Variants in UTP20 observed in about 807,000 individuals in gnomAD.
The protein encoded by UTP20 is small subunit processome component 20 homolog.
Under a neutral mutation model 329.5 loss-of-function variants are expected in UTP20, and 164 were observed. The observed-to-expected ratio is 0.50, with a 90% CI of 0.44 to 0.57. The LOEUF (loss-of-function observed/expected upper bound fraction) is 0.57. Among genes scored for constraint, UTP20 ranks in the 20% least tolerant of loss-of-function variants. The probability of loss-of-function intolerance (pLI) is 0.00; values close to 1 mark genes in which losing one functional copy is unlikely to be tolerated. For missense variants in UTP20, 3,055 were observed against 3,284.2 expected, an observed-to-expected ratio of 0.93 and a Z score of 1.71; for synonymous variants, 1,151 against 1,159.3, an observed-to-expected ratio of 0.99 and a Z score of 0.14.
At chr12:101,364,223 C>A (rs1870023812) in intron 45 of UTP20, among the ~76,000 whole-genome samples, 1 of 152,146 alleles carries the variant, frequency 6.6e-6, no homozygotes, top group African/African-American at 2.4e-5. Flanking sequence ...GCCTGGGTAA[C>A]ATAGCAAGAC....
At chr12:101,297,584 A>T (rs922814887) in intron 12 of UTP20, among the ~76,000 whole-genome samples, 1 of 152,218 alleles carries the variant, frequency 6.6e-6, no homozygotes, top group African/African-American at 2.4e-5. Flanking sequence ...ATATGCCAAC[A>T]GAATCTTGTT....
At chr12:101,356,779 G>A in intron 42 of UTP20, 86 bp downstream of exon 42, 1 of 1,520,056 alleles carries the variant, frequency 6.6e-7, no homozygotes, top group Non-Finnish European at 8.8e-7. Context: ...TTGTCAGGAA[G>A]AGGAAAAAGT....
Position 101,340,508 on chromosome 12 carries a change from T to G in UTP20, c.4014-15T>G. 1.3e-6 allele frequency: 2 copies of G among 1,555,412 alleles called. No individual in the cohort carries two copies. The highest frequency in any genetic ancestry group is 1.8e-6 in the Non-Finnish European group (2 of 1,136,732). On this transcript the variant is annotated splice_polypyrimidine_tract_variant and intron_variant, in intron 31 of 61. Transcript: ENST00000261637. ...TTGTATATGTTCCTTATATATCCGTTTTTTCCTTCTTTAGGATCAGCAAGT... is the reference window on the plus strand; with the variant it reads ...TTGTATATGTTCCTTATATATCCGTGTTTTCCTTCTTTAGGATCAGCAAGT...
chr12:101,281,013 T>TTA, intron 1 of UTP20, 103 bp from the exon 2 acceptor site: 1 of 954,866 alleles, frequency 1.0e-6, no homozygotes, highest in South Asian at 1.8e-5. Context: ...TTTTTCCACT[T>TTA]ATCCTTTGTG....
In UTP20 at chr12:101,386,195, T is replaced by A. The variant is rs1229206868; in HGVS notation, c.*72T>A. 20 of 1,445,000 alleles carry A rather than the reference T, an allele frequency of 1.4e-5. No homozygotes were observed. The highest frequency in any genetic ancestry group is 1.9e-5 in the Non-Finnish European group (20 of 1,066,332). The allele number at this position is 1,445,000 out of a possible 1,614,324, so 89.5% of individuals were successfully genotyped here. A position where few individuals can be genotyped will look rare whatever the true frequency, so the allele number is the denominator to read the frequency against. ...TAGTCTGAAATTACAGTAGGTTGTCTGGGGTAGGGGGGAGGCGTTTTTTTT... is the reference window on the plus strand; with the variant it reads ...TAGTCTGAAATTACAGTAGGTTGTCAGGGGTAGGGGGGAGGCGTTTTTTTT... On this transcript the variant is annotated 3_prime_UTR_variant, in exon 62 of 62. Transcript: ENST00000261637.
In UTP20 at chr12:101,325,303, A is replaced by G. The variant is rs142692198; in HGVS notation, c.3042-1778A>G. ...AGACATGCCAGCTGACATCTCATTC[A>G]TTTGGTCTCATCTCAAATGTGTCCT... On this transcript the variant is annotated intron_variant, in intron 25 of 61. Transcript: ENST00000261637. Among the ~76,000 whole-genome samples the G allele has an allele frequency of 3.9e-3, 590 of 152,286 alleles. 3 individuals are homozygous for G. Among genetic ancestry groups the G allele is most frequent in the African/African-American group, 0.012 (510 of 41,550 alleles).
In UTP20 at chr12:101,344,643, A is replaced by G; in HGVS notation, c.4498A>G (p.Ile1500Val). Residue 1500 changes from isoleucine (I) to valine (V), a missense_variant, in exon 36 of 62, where the codon ATC becomes GTC. Ile to Val is a conservative substitution (Grantham distance 29, BLOSUM62 3). Around this residue, in one of 3 missense-constraint regions of UTP20, gnomAD observed 2,445 missense variants for 2,575.5 expected, o/e 0.95. Coordinates refer to ENST00000261637, the MANE Select transcript of UTP20 (RefSeq NM_014503.3). ...TAATGCCAGCATGTGCCTGATGAGTATCATCAAAAAGCTAGCTGCCTTGAA... is the reference window on the plus strand; with the variant it reads ...TAATGCCAGCATGTGCCTGATGAGTGTCATCAAAAAGCTAGCTGCCTTGAA... ...SDNASMCLMS[I>V]IKKLAALNVT... is the part of the protein sequence containing the mutation. The G allele has an allele frequency of 1.5e-6, 2 of 1,367,262 alleles. No individual in the cohort carries two copies. Among genetic ancestry groups the G allele is most frequent in the Non-Finnish European group, 1.0e-6 (1 of 954,200 alleles). 84.7% of individuals were successfully genotyped at this position (1,367,262 alleles called of 1,614,324 possible).
chr12:101,329,243 G>A lies in UTP20; in HGVS notation c.3211G>A (p.Glu1071Lys). The change falls in exon 27 of 62, where the codon GAG becomes AAG. Residue 1071 changes from glutamate (E) to lysine (K), a missense_variant and splice_region_variant. Physicochemically the swap from Glu to Lys is moderately conservative, Grantham distance 56. Around this residue, in one of 3 missense-constraint regions of UTP20, gnomAD observed 2,445 missense variants for 2,575.5 expected, o/e 0.95. Coordinates refer to ENST00000261637, the MANE Select transcript of UTP20 (RefSeq NM_014503.3). The stretch of plus-strand genomic sequence containing the variant: ...TCTCGTCCTCTTTGTTTCACTAGGA[G>A]AGTGCCATTCTGCAGTCATTCAAGC... ...FEPVRHFKNG[E>K]CHSAVIQAVE... 6.2e-7 allele frequency: 1 copy of A among 1,613,948 alleles called. No individual in the cohort carries two copies. The highest frequency in any genetic ancestry group is 8.5e-7 in the Non-Finnish European group (1 of 1,179,932).
In UTP20 at chr12:101,373,553, C is replaced by T. The variant is rs1008928054; in HGVS notation, c.6949-32C>T. The T allele has an allele frequency of 2.5e-6, 4 of 1,612,168 alleles. No homozygotes were observed. In the African/African-American group the frequency reaches 4.0e-5, roughly 16 times the overall value. ...CTAGAGCATCTGTAGGAATTCCACTCTGAGTGCTCACACGTGCCTCTTTTC... is the reference window on the plus strand; with the variant it reads ...CTAGAGCATCTGTAGGAATTCCACTTTGAGTGCTCACACGTGCCTCTTTTC... On this transcript the variant is annotated intron_variant, in intron 53 of 61. Coordinates refer to ENST00000261637, the MANE Select transcript of UTP20 (RefSeq NM_014503.3).
At chr12:101,336,877 T>C (rs1868949865) in intron 29 of UTP20, among the ~76,000 whole-genome samples, 1 of 152,222 alleles carries the variant, frequency 6.6e-6, no homozygotes, top group Non-Finnish European at 1.5e-5. Context: ...GCAAGTTACG[T>C]TGGTCAAGGG....
chr12:101,306,634 C>CTG, intron 16 of UTP20, 65 bp from the exon 17 acceptor site: 1 of 1,429,708 alleles, frequency 7.0e-7, no homozygotes, highest in Non-Finnish European at 9.6e-7. Context: ...ATCTTGCTGA[C>CTG]TGTGAATCAG....
Position 101,320,954 on chromosome 12 carries a change from T to A in UTP20, c.2915+17T>A. 1 of 1,586,446 alleles carries A rather than the reference T, an allele frequency of 6.3e-7. No homozygotes were observed. The highest frequency in any genetic ancestry group is 1.2e-5 in the South Asian group (1 of 85,964). ...CCCTTACAGGTAAGTTACTTGAAGC[T>A]TAAAGAACTGTTATTTCTTCAGCTG... On this transcript the variant is annotated intron_variant, in intron 24 of 61. Transcript: ENST00000261637.
At chr12:101,358,248 A>G (rs934178114) in intron 43 of UTP20, among the ~76,000 whole-genome samples, 7 of 152,258 alleles carry the variant, frequency 4.6e-5, no homozygotes, top group African/African-American at 1.4e-4. Flanking sequence ...ACTGAGAATC[A>G]GTATTTTACC....
intron 57 of UTP20, among the ~76,000 whole-genome samples, chr12:101,380,852 A>G (rs1324496438): frequency 1.5e-5 from 2 of 134,916 alleles, no homozygotes; most frequent in East Asian, 4.6e-4. Context: ...CCACAGAGTG[A>G]GACTCTGTCT....
chr12:101,309,613 A>G (rs571173780), intron 18 of UTP20, 150 bp from the exon 19 acceptor site: 2 of 608,584 alleles, frequency 3.3e-6, no homozygotes, highest in South Asian at 4.8e-5. Flanking sequence ...TATACATTGA[A>G]TTTTGGATTG....
In UTP20 at chr12:101,362,992, G is replaced by A. The variant is rs1395147963; in HGVS notation, c.5791-584G>A. 1.5e-5 allele frequency among the ~76,000 whole-genome samples: 2 copies of A among 131,580 alleles called. 1 individual carries two copies. The highest frequency in any genetic ancestry group is 8.0e-5 in the African/African-American group (2 of 24,896). 86.3% of individuals were successfully genotyped at this position (131,580 alleles called of 152,430 possible). ...TGCTAAAAATACAAAACTTAGTCAGGTGGGGTGGCACATGCCTGTGATCCC... is the reference window on the plus strand; with the variant it reads ...TGCTAAAAATACAAAACTTAGTCAGATGGGGTGGCACATGCCTGTGATCCC... On this transcript the variant is annotated intron_variant, in intron 44 of 61. Coordinates refer to ENST00000261637, the MANE Select transcript of UTP20 (RefSeq NM_014503.3).
intron 16 of UTP20, 102 bp from the exon 17 acceptor site, chr12:101,306,595 ATT>A: frequency 3.0e-6 from 3 of 1,010,098 alleles, no homozygotes; most frequent in Admixed American, 2.7e-5. Context: ...GTCAAATGGT[ATT>A]TTTTTTTTAA....
chr12:101,334,398 T>C, intron 28 of UTP20, 27 bp from the exon 29 acceptor site: 1 of 1,590,942 alleles, frequency 6.3e-7, no homozygotes, highest in Non-Finnish European at 8.6e-7. Context: ...ATGTATTTGG[T>C]ATTCTGTTTT....
At chr12:101,292,561 A>G (rs1872198713) in intron 10 of UTP20, among the ~76,000 whole-genome samples, 1 of 152,312 alleles carries the variant, frequency 6.6e-6, no homozygotes, top group South Asian at 2.1e-4. Context: ...GAACAGAGAA[A>G]GCTTTTCAAA....
Sources: gnomAD v4.1 joint callset for allele counts (sites outside exome capture counted in the v4.1 genomes callset) on GRCh38, gnomAD v4.1.1 for gene constraint, gnomAD v4.1.1 regional missense constraint, MANE v1.5 for transcripts, NCBI Gene and HGNC (gene_info 2026-07-23, HGNC 2026-07-21) for gene names.